BAZ1A: variants seen among roughly 807,000 people sequenced by gnomAD.
The protein encoded by BAZ1A is bromodomain adjacent to zinc finger domain protein 1A.
BAZ1A carries 50 observed loss-of-function variants against 185.2 expected under a neutral mutation model. The ratio of observed to expected loss-of-function variants is 0.27; its 90% CI spans 0.22 to 0.34. BAZ1A has a LOEUF of 0.34. BAZ1A is among the 10% of genes least tolerant of loss of function. BAZ1A has a pLI of 1.00. For missense variants in BAZ1A, 1,356 were observed against 1,839.9 expected (o/e 0.74, Z 4.81); for synonymous variants, 571 against 615.6 (o/e 0.93, Z 1.07).
Position 34,792,924 on chromosome 14 carries a change from G to A in BAZ1A, c.1364-3C>T. 1 of 1,599,606 alleles carries A rather than the reference G, an allele frequency of 6.3e-7. No individual in the cohort carries two copies. Among genetic ancestry groups the A allele is most frequent in the Non-Finnish European group, 8.5e-7 (1 of 1,176,408 alleles). On this transcript the variant is annotated splice_region_variant and splice_polypyrimidine_tract_variant and intron_variant, in intron 11 of 26. Coordinates refer to ENST00000360310, the MANE Select transcript of BAZ1A (RefSeq NM_013448.3). ...TACAAGAGCTTCCTCTAATACTTCTGTGAATAAAATGTTTAAAATGAATTT... is the reference window on the plus strand; with the variant it reads ...TACAAGAGCTTCCTCTAATACTTCTATGAATAAAATGTTTAAAATGAATTT...
At chr14:34,842,026 A>G (rs2042422937) in intron 3 of BAZ1A, among the ~76,000 whole-genome samples, 1 of 152,130 alleles carries the variant, frequency 6.6e-6, no homozygotes, top group Non-Finnish European at 1.5e-5. Flanking sequence ...AAATATCTAA[A>G]ATTATCCTTT....
chr14:34,774,520 G>T (rs770577476), intron 18 of BAZ1A, 30 bp from the exon 19 acceptor site: 2 of 1,512,268 alleles, frequency 1.3e-6, no homozygotes, highest in South Asian at 1.3e-5. Flanking sequence ...CTTTTATTAT[G>T]ATTTTCTTAT....
At chr14:34,794,917 T>C in intron 10 of BAZ1A, 30 bp from the exon 11 acceptor site, 1 of 1,599,346 alleles carries the variant, frequency 6.3e-7, no homozygotes, top group Non-Finnish European at 8.5e-7. Flanking sequence ...ATATAACTAT[T>C]TGAACCAAGA....
At position 34,762,221 on chromosome 14, in the gene BAZ1A, A is replaced by G. The variant is rs781584465; in HGVS notation, c.3779T>C (p.Leu1260Pro). The G allele has an allele frequency of 6.3e-5, 102 of 1,613,362 alleles. No individual in the cohort carries two copies. The South Asian group carries it at 1.0e-3, about 17-fold the overall frequency. The change falls in exon 24 of 27, where the codon CTA becomes CCA. Residue 1260 changes from leucine to proline, a missense_variant and splice_region_variant. Transcript: ENST00000360310. The part of the protein sequence containing the change: ...DDSQEEEEVS[L>P]PKRGRPQVRL... Reference sequence around the variant, plus strand: ...AACTTGTGGTCTTCCTCGTTTGGGTAGGCTATAAATATTGTTAGAAAACAC... The same window carrying G: ...AACTTGTGGTCTTCCTCGTTTGGGTGGGCTATAAATATTGTTAGAAAACAC...
intron 6 of BAZ1A, among the ~76,000 whole-genome samples, chr14:34,804,776 G>A (rs545675406): frequency 2.0e-5 from 3 of 152,262 alleles, no homozygotes; most frequent in South Asian, 4.1e-4. Flanking sequence ...GCCAAAATAC[G>A]TTTTAGTACA....
chr14:34,756,466 AT>A (rs1158606061), intron 25 of BAZ1A, among the ~76,000 whole-genome samples: 2,928 of 78,674 alleles, frequency 0.037, 35 homozygotes, highest in East Asian at 0.14. Context: ...CAGAATACCT[AT>A]TTTTTTTTTT....
intron 17 of BAZ1A, among the ~76,000 whole-genome samples, chr14:34,779,333 CAT>C (rs1169533945): frequency 8.5e-5 from 13 of 152,162 alleles, no homozygotes; most frequent in East Asian, 5.8e-4. Flanking sequence ...GTATTTAACA[CAT>C]GTTAATATTC....
In BAZ1A at chr14:34,811,773, C is replaced by A. The variant is rs533035795; in HGVS notation, c.537-737G>T. Among the ~76,000 whole-genome samples, 13 of 152,152 alleles carry A rather than the reference C, an allele frequency of 8.5e-5. No homozygotes were observed. In the East Asian group the frequency reaches 2.5e-3, roughly 29 times the overall value. On this transcript the variant is annotated intron_variant, in intron 4 of 26. Coordinates refer to ENST00000360310, the MANE Select transcript of BAZ1A (RefSeq NM_013448.3). The stretch of plus-strand genomic sequence containing the variant: ...CATTTTCTTTGGGTGAAGAAAGTAA[C>A]TAGAGATGAAGCATAGACTACCCAG...
chr14:34,802,375 T>C (rs2138658755), intron 7 of BAZ1A, among the ~76,000 whole-genome samples: 1 of 152,264 alleles, frequency 6.6e-6, no homozygotes, highest in Non-Finnish European at 1.5e-5. Flanking sequence ...GTATTTTTAG[T>C]AGAGACAGAG....
chr14:34,828,679 TC>T (rs1343745126), intron 3 of BAZ1A: 1 of 152,264 alleles, frequency 6.6e-6, no homozygotes, highest in Non-Finnish European at 1.5e-5. Context: ...TCTTCTTTTA[TC>T]CCGTTGCATT....
rs1054959442 is a variant in BAZ1A at position 34,775,907 on chromosome 14, T to C, written c.2833+12A>G. On this transcript the variant is annotated intron_variant, in intron 18 of 26. Transcript: ENST00000360310. ...GGAAAAAAAGTAAAAACAATTTTCA[T>C]TGAAAATTTACCTGAAAAATGAAAT... 3 of 1,555,532 alleles carry C rather than the reference T, an allele frequency of 1.9e-6. No homozygotes were observed. The highest frequency in any genetic ancestry group is 8.7e-7 in the Non-Finnish European group (1 of 1,149,454).
Position 34,786,239 on chromosome 14 carries a change from C to T in BAZ1A, c.1511-18G>A, listed in dbSNP as rs1227730295. 1 of 1,590,496 alleles carries T rather than the reference C, an allele frequency of 6.3e-7. No homozygotes were observed. Among genetic ancestry groups the T allele is most frequent in the Admixed American group, 1.8e-5 (1 of 55,554 alleles). ...TGTTAAATCTTTAAGGAAATAAATA[C>T]TTTATTCTAGTGCAAATCAAAGCTT... On this transcript the variant is annotated intron_variant, in intron 12 of 26. Transcript: ENST00000360310.
chr14:34,826,138 C>A lies in BAZ1A; in HGVS notation c.411G>T (p.Leu137Phe). 2 of 1,609,890 alleles carry A rather than the reference C, an allele frequency of 1.2e-6. No individual in the cohort carries two copies. The highest frequency in any genetic ancestry group is 1.1e-5 in the South Asian group (1 of 89,516). ...NNGARLQCRI[L>F]EVLPPSHQNG... is the part of the protein sequence containing the mutation. ...TTTGATGTGATGGAGGGAGGACTTC[C>A]AAAATCCTACACTGCAACCTGAAAT... is the stretch of plus-strand genomic sequence containing the variant. The change falls in exon 4 of 27, where the codon TTG becomes TTT. Residue 137 changes from leucine (L) to phenylalanine (F), a missense_variant. By Grantham distance (22) the Leu-to-Phe change is conservative. Around this residue, in one of 7 missense-constraint regions of BAZ1A, gnomAD observed 332 missense variants for 395.3 expected, o/e 0.84. Transcript: ENST00000360310.
chr14:34,764,990 CA>C, intron 22 of BAZ1A, 30 bp downstream of exon 22: 1 of 1,613,100 alleles, frequency 6.2e-7, no homozygotes, highest in Non-Finnish European at 8.5e-7. Context: ...CTTAATGTCT[CA>C]TTTCTAATCT....
chr14:34,809,260 A>G (rs2041894472), intron 5 of BAZ1A, among the ~76,000 whole-genome samples: 1 of 152,154 alleles, frequency 6.6e-6, no homozygotes, highest in Non-Finnish European at 1.5e-5. Flanking sequence ...GAGAACAAGG[A>G]CTCTGCTACA....
chr14:34,755,427 C>T (rs1214311926), intron 25 of BAZ1A, among the ~76,000 whole-genome samples: 1 of 152,128 alleles, frequency 6.6e-6, no homozygotes, highest in African/African-American at 2.4e-5. Context: ...GTGTCTGAGA[C>T]TTTCTAACCC....
intron 21 of BAZ1A, chr14:34,768,544 C>T (rs1879002239): frequency 4.2e-6 from 1 of 236,590 alleles, no homozygotes; most frequent in Admixed American, 5.3e-5. Flanking sequence ...TTAAGCTTAC[C>T]CCCAAGTCCA....
chr14:34,777,503 G>A (rs1478040177), intron 17 of BAZ1A, among the ~76,000 whole-genome samples: 1 of 151,540 alleles, frequency 6.6e-6, no homozygotes, highest in African/African-American at 2.4e-5. Context: ...AATTAGCTGG[G>A]CATGGTAGCA....
intron 4 of BAZ1A, among the ~76,000 whole-genome samples, chr14:34,823,769 G>GT (rs996616343): frequency 6.6e-6 from 1 of 152,026 alleles, no homozygotes; most frequent in African/African-American, 2.4e-5. Context: ...ACTGGGCTTA[G>GT]TTTTTTTATC....
Sources: allele counts gnomAD v4.1 joint callset (sites outside exome capture counted in the v4.1 genomes callset), GRCh38; gene constraint gnomAD v4.1.1; regional missense constraint gnomAD v4.1.1; transcripts MANE v1.5; gene names NCBI Gene and HGNC (gene_info 2026-07-23, HGNC 2026-07-21).